Variants in AUTS2 observed in about 807,000 individuals in gnomAD.
AUTS2 encodes the protein activator of transcription and developmental regulator AUTS2.
A neutral mutation model predicts 112.4 loss-of-function variants in AUTS2; 17 were observed. The ratio of observed to expected loss-of-function variants is 0.15; its 90% confidence interval spans 0.10 to 0.23. The LOEUF is 0.23. AUTS2 is among the 10% of genes least tolerant of loss of function. The pLI is 1.00. For missense variants in AUTS2, 1,510 were observed against 1,701.6 expected (o/e 0.89, Z 1.98); for synonymous variants, 751 against 702.7 (o/e 1.07, Z -1.09).
chr7:69,835,056 T>C (rs959603703), intron 1 of AUTS2, among the ~76,000 whole-genome samples: 4 of 151,944 alleles, frequency 2.6e-5, no homozygotes, highest in Non-Finnish European at 5.9e-5. Context: ...AGGAATCTTG[T>C]ATATTTTGAG....
At chr7:70,257,594 AG>A (rs1349556320) in intron 4 of AUTS2, among the ~76,000 whole-genome samples, 1 of 150,058 alleles carries the variant, frequency 6.7e-6, no homozygotes, top group Admixed American at 6.6e-5. Flanking sequence ...CTGGGATTAC[AG>A]GTGTGAGCCA....
chr7:70,329,585 T>C lies in AUTS2; in HGVS notation c.661-106167T>C, dbSNP rs887808671. Reference sequence around the variant, plus strand: ...TTTTATATTTTTTTTTAGAGAAATGTCTACTCAGGTTTTTTGCTCATTTTT... The same window carrying C: ...TTTTATATTTTTTTTTAGAGAAATGCCTACTCAGGTTTTTTGCTCATTTTT... On this transcript the variant is annotated intron_variant, in intron 4 of 18. Coordinates refer to ENST00000342771, the MANE Select transcript of AUTS2 (RefSeq NM_015570.4). 2.6e-5 allele frequency among the ~76,000 whole-genome samples: 4 copies of C among 151,544 alleles called. No individual in the cohort carries two copies. In the East Asian group the frequency reaches 7.7e-4, roughly 29 times the overall value.
At chr7:69,727,556 C>CTCCA (rs1160468782) in intron 1 of AUTS2, among the ~76,000 whole-genome samples, 1 of 152,040 alleles carries the variant, frequency 6.6e-6, no homozygotes, top group African/African-American at 2.4e-5. Flanking sequence ...CGCCACTGCA[C>CTCCA]TCCAGCCTGG....
rs973789321 is a variant in AUTS2 at position 70,789,677 on chromosome 7, C to G, written c.2532-71C>G. 3 of 1,529,080 alleles carry G rather than the reference C, an allele frequency of 2.0e-6. No homozygotes were observed. In the South Asian group the frequency reaches 3.8e-5, roughly 19 times the overall value. The allele number at this position is 1,529,080 out of a possible 1,614,324, so 94.7% of individuals were successfully genotyped here. A position where few individuals can be genotyped will look rare whatever the true frequency, so the allele number is the denominator to read the frequency against. On this transcript the variant is annotated intron_variant, in intron 18 of 18. Transcript: ENST00000342771. ...GTCCTCTTCACACCACCATTTCACC[C>G]GCAGCCCCTGGCCCGGCCGACTCGC...
At chr7:69,629,594 C>T (rs58022525) in intron 1 of AUTS2, among the ~76,000 whole-genome samples, 1 of 152,182 alleles carries the variant, frequency 6.6e-6, no homozygotes, top group Non-Finnish European at 1.5e-5. Context: ...GATTCTTTCT[C>T]TAGATCCTAT....
At chr7:70,366,092 T>G (rs1030247360) in intron 4 of AUTS2, among the ~76,000 whole-genome samples, 5 of 152,182 alleles carry the variant, frequency 3.3e-5, no homozygotes, top group Admixed American at 3.3e-4. Flanking sequence ...CAGTTGTATT[T>G]TATATGTTAA....
chr7:69,891,125 CTTT>C (rs1794501179), intron 1 of AUTS2, among the ~76,000 whole-genome samples: 1 of 152,188 alleles, frequency 6.6e-6, no homozygotes, highest in African/African-American at 2.4e-5. Flanking sequence ...CCTTATGTCC[CTTT>C]ATAATCCCTT....
chr7:70,274,899 A>G (rs1414520925), intron 4 of AUTS2, among the ~76,000 whole-genome samples: 1 of 152,238 alleles, frequency 6.6e-6, no homozygotes, highest in Non-Finnish European at 1.5e-5. Flanking sequence ...TGGGTATATA[A>G]TCGGAATTAA....
At chr7:70,552,849 T>G (rs1341588831) in intron 5 of AUTS2, among the ~76,000 whole-genome samples, 1 of 152,194 alleles carries the variant, frequency 6.6e-6, no homozygotes. Context: ...ACCCCCATGG[T>G]ACTCATAATG....
rs145944270 is a variant in AUTS2, at chr7:70,538,996, C to G, written c.690+103215C>G. Among the ~76,000 whole-genome samples, 5 of 152,224 alleles carry G rather than the reference C, an allele frequency of 3.3e-5. No individual in the cohort carries two copies. The East Asian group carries it at 9.7e-4, about 29-fold the overall frequency. On this transcript the variant is annotated intron_variant, in intron 5 of 18. Coordinates refer to ENST00000342771, the MANE Select transcript of AUTS2 (RefSeq NM_015570.4). ...ACCGCATAGTTAATTCCACAGGCATCCTTGGTAACATAGCCCCCTCTGGTA... is the reference window on the plus strand; with the variant it reads ...ACCGCATAGTTAATTCCACAGGCATGCTTGGTAACATAGCCCCCTCTGGTA...
intron 5 of AUTS2, among the ~76,000 whole-genome samples, chr7:70,479,312 T>C (rs1797700887): frequency 6.6e-6 from 1 of 152,184 alleles, no homozygotes; most frequent in Admixed American, 6.5e-5. Flanking sequence ...GAAAGGACAC[T>C]TGGAGCCATT....
intron 1 of AUTS2, among the ~76,000 whole-genome samples, chr7:69,873,639 G>A (rs1793601535): frequency 6.6e-6 from 1 of 152,084 alleles, no homozygotes; most frequent in South Asian, 2.1e-4. Flanking sequence ...AGCTAGATTG[G>A]CATTCATTTC....
At chr7:69,935,332 T>G (rs990426073) in intron 2 of AUTS2, among the ~76,000 whole-genome samples, 2 of 152,184 alleles carry the variant, frequency 1.3e-5, no homozygotes, top group Admixed American at 1.3e-4. Flanking sequence ...TTGGTGAACC[T>G]AGGTTTGGGC....
rs1791969478 is a variant in AUTS2, at chr7:70,791,629, G to T, written c.*633G>T. ...ATGAATGTTCGGGCTTTTCACAAAA[G>T]CCCGCCTAACTCAAAGGAGCCTTTT... On this transcript the variant is annotated 3_prime_UTR_variant, in exon 19 of 19. Coordinates refer to ENST00000342771, the MANE Select transcript of AUTS2 (RefSeq NM_015570.4). The T allele has an allele frequency of 6.6e-6, 1 of 152,576 alleles. No individual in the cohort carries two copies. The highest frequency in any genetic ancestry group is 6.5e-5 in the Admixed American group (1 of 15,276). 9.5% of individuals were successfully genotyped at this position (152,576 alleles called of 1,614,324 possible).
At chr7:70,083,233 G>T (rs1368633198) in intron 2 of AUTS2, among the ~76,000 whole-genome samples, 1 of 152,098 alleles carries the variant, frequency 6.6e-6, no homozygotes, top group Non-Finnish European at 1.5e-5. Flanking sequence ...GGGAACCCAC[G>T]AGTTTCCTCT....
At chr7:70,293,386 T>C (rs1261567709) in intron 4 of AUTS2, 5 of 152,194 alleles carry the variant, frequency 3.3e-5, no homozygotes, top group Admixed American at 3.3e-4. Context: ...TTTATCAGTT[T>C]ATTGCTCATC....
At chr7:70,608,992 C>A (rs1344191603) in intron 5 of AUTS2, among the ~76,000 whole-genome samples, 1 of 152,076 alleles carries the variant, frequency 6.6e-6, no homozygotes, top group Non-Finnish European at 1.5e-5. Flanking sequence ...TTATTGTGTA[C>A]AACATGATGT....
intron 2 of AUTS2, among the ~76,000 whole-genome samples, chr7:70,006,059 GCCCA>G (rs1453390397): frequency 2.0e-5 from 3 of 152,136 alleles, no homozygotes; most frequent in Non-Finnish European, 2.9e-5. Flanking sequence ...AGAAAGCACG[GCCCA>G]CCACTTCCAA....
chr7:69,667,283 T>C (rs1796097214), intron 1 of AUTS2, among the ~76,000 whole-genome samples: 1 of 152,098 alleles, frequency 6.6e-6, no homozygotes, highest in African/African-American at 2.4e-5. Flanking sequence ...TAAGTTTCAA[T>C]GTGAGTTTTG....
Sources: gnomAD v4.1 joint callset for allele counts (sites outside exome capture counted in the v4.1 genomes callset) on GRCh38, gnomAD v4.1.1 for gene constraint, MANE v1.5 for transcripts, NCBI Gene and HGNC (gene_info 2026-07-23, HGNC 2026-07-21) for gene names.